Variants in L3MBTL4 observed in about 807,000 individuals in gnomAD.
L3MBTL4 encodes the protein lethal(3)malignant brain tumor-like protein 4.
In L3MBTL4, 70 loss-of-function variants were observed where a neutral mutation model predicts 84.5. The ratio of observed to expected loss-of-function variants is 0.83; its 90% confidence interval spans 0.68 to 1.01. The LOEUF (loss-of-function observed/expected upper bound fraction) is 1.01, where lower values mean the gene tolerates loss of function less well. L3MBTL4 is among the 50% of genes least tolerant of loss of function. The probability of loss-of-function intolerance (pLI) is 0.00; values close to 1 mark genes in which losing one functional copy is unlikely to be tolerated. For synonymous variants in L3MBTL4, 274 were observed against 259.8 expected (o/e 1.05, Z -0.52); for missense variants, 715 against 754.8 (o/e 0.95, Z 0.62).
intron 5 of L3MBTL4, 119 bp from the exon 6 acceptor site, chr18:6,244,707 A>G (rs1256945858): frequency 1.4e-6 from 1 of 703,120 alleles, no homozygotes; most frequent in African/African-American, 1.8e-5. Flanking sequence ...AACAGAGAGT[A>G]GAATGGTGTC....
chr18:6,006,219 C>T (rs370582659), intron 16 of L3MBTL4, among the ~76,000 whole-genome samples: 39 of 152,120 alleles, frequency 2.6e-4, no homozygotes, highest in African/African-American at 9.2e-4. Flanking sequence ...AGGCTGATGC[C>T]GAACACTGAG....
intron 16 of L3MBTL4, among the ~76,000 whole-genome samples, chr18:6,071,217 C>G (rs886458695): frequency 5.3e-5 from 8 of 151,420 alleles, no homozygotes; most frequent in African/African-American, 1.9e-4. Flanking sequence ...ATGGTGAAAC[C>G]CTGTCTCTAC....
chr18:5,997,673 A>G (rs1598395716), intron 16 of L3MBTL4, among the ~76,000 whole-genome samples: 1 of 151,982 alleles, frequency 6.6e-6, no homozygotes, highest in East Asian at 1.9e-4. Flanking sequence ...ATACTGATTG[A>G]TGTCTCATGT....
At chr18:6,373,976 T>A (rs168178) in intron 1 of L3MBTL4, among the ~76,000 whole-genome samples, 92,713 of 152,016 alleles carry the variant, frequency 0.61, 28,901 homozygotes, top group African/African-American at 0.76. Flanking sequence ...AACAAAATTT[T>A]TGGGTTTAAG....
At chr18:6,283,986 G>C (rs1300035594) in intron 4 of L3MBTL4, among the ~76,000 whole-genome samples, 1 of 152,176 alleles carries the variant, frequency 6.6e-6, no homozygotes, top group African/African-American at 2.4e-5. Flanking sequence ...CCAAAGTCTG[G>C]GCGATCATTC....
At chr18:6,209,539 G>A (rs1040351314) in intron 12 of L3MBTL4, among the ~76,000 whole-genome samples, 16 of 151,468 alleles carry the variant, frequency 1.1e-4, no homozygotes, top group East Asian at 5.8e-4. Context: ...CTCATATACC[G>A]CTAATGGGAA....
At position 6,272,362 on chromosome 18, in the gene L3MBTL4, A is replaced by G. The variant is rs144802137; in HGVS notation, c.128-8324T>C. Among the ~76,000 whole-genome samples the G allele has an allele frequency of 2.1e-3, 319 of 152,028 alleles. 5 individuals are homozygous for G. The highest frequency in any genetic ancestry group is 7.5e-3 in the African/African-American group (309 of 41,282). ...AGGTAGGATGGCGTCTGCTAAGAGT[A>G]AAGGTCACAGCGACGCCTTCAGGAG... On this transcript the variant is annotated intron_variant, in intron 4 of 18. Transcript: ENST00000317931.
chr18:6,223,208 T>G (rs1267732886), intron 10 of L3MBTL4, among the ~76,000 whole-genome samples: 1 of 152,090 alleles, frequency 6.6e-6, no homozygotes, highest in Non-Finnish European at 1.5e-5. Context: ...TCCCTAATAA[T>G]AAATGTTCAT....
At chr18:6,406,346 C>T (rs2055734096) in intron 1 of L3MBTL4, among the ~76,000 whole-genome samples, 1 of 152,198 alleles carries the variant, frequency 6.6e-6, no homozygotes, top group African/African-American at 2.4e-5. Flanking sequence ...AAAGAATCAA[C>T]GGGGACCATC....
intron 13 of L3MBTL4, among the ~76,000 whole-genome samples, chr18:6,170,962 T>C (rs16949553): frequency 0.051 from 7,731 of 152,228 alleles, 659 homozygotes; most frequent in African/African-American, 0.17. Context: ...AGGGCCTTCA[T>C]CTCTTTGATT....
intron 14 of L3MBTL4, among the ~76,000 whole-genome samples, chr18:6,096,147 G>A (rs2058637493): frequency 6.6e-6 from 1 of 151,806 alleles, no homozygotes; most frequent in African/African-American, 2.4e-5. Context: ...TCTTCCTAAG[G>A]CTTACTTATC....
chr18:6,143,675 G>C (rs758008996), intron 13 of L3MBTL4, among the ~76,000 whole-genome samples: 1 of 152,156 alleles, frequency 6.6e-6, no homozygotes, highest in Non-Finnish European at 1.5e-5. Flanking sequence ...TTTTCAGAAA[G>C]AGCATCTCTG....
chr18:6,327,859 C>T (rs2051812031), intron 1 of L3MBTL4, among the ~76,000 whole-genome samples: 1 of 152,216 alleles, frequency 6.6e-6, no homozygotes, highest in Non-Finnish European at 1.5e-5. Flanking sequence ...TATACGTTCT[C>T]ATATTTATTT....
intron 1 of L3MBTL4, among the ~76,000 whole-genome samples, chr18:6,366,260 C>T (rs1164022992): frequency 3.3e-5 from 5 of 152,316 alleles, no homozygotes; most frequent in East Asian, 3.9e-4. Flanking sequence ...TGTCTGTCCA[C>T]AGATGATCAG....
Position 6,015,378 on chromosome 18 carries a change from A to G in L3MBTL4, c.1445-45816T>C, listed in dbSNP as rs1053917079. Among the ~76,000 whole-genome samples the G allele has an allele frequency of 9.2e-5, 14 of 152,208 alleles. 1 individual carries two copies. The highest frequency in any genetic ancestry group is 8.5e-4 in the Admixed American group (13 of 15,290). ...TTGCAGAAGGTGGGGGTGGATGGCA[A>G]GCCATGGTCAACACTCAGTGCCACC... On this transcript the variant is annotated intron_variant, in intron 16 of 18. Transcript: ENST00000317931.
intron 16 of L3MBTL4, among the ~76,000 whole-genome samples, chr18:6,022,708 C>CA: frequency 6.6e-6 from 1 of 152,320 alleles, no homozygotes. Flanking sequence ...AATTAAGGCA[C>CA]AAAGTCTACG....
chr18:6,385,159 C>T (rs942175707), intron 1 of L3MBTL4, among the ~76,000 whole-genome samples: 2 of 152,026 alleles, frequency 1.3e-5, no homozygotes, highest in African/African-American at 2.4e-5. Flanking sequence ...CCCAGCACTC[C>T]GAGAGGCCAG....
At chr18:6,064,105 GAA>G (rs1428497894) in intron 16 of L3MBTL4, among the ~76,000 whole-genome samples, 2 of 152,010 alleles carry the variant, frequency 1.3e-5, no homozygotes, top group African/African-American at 2.4e-5. Context: ...ACCGTTTATT[GAA>G]TAGGGTGCCC....
intron 16 of L3MBTL4, among the ~76,000 whole-genome samples, chr18:6,076,488 T>C (rs1050722009): frequency 6.6e-6 from 1 of 152,182 alleles, no homozygotes; most frequent in Non-Finnish European, 1.5e-5. Context: ...TCTGGTCATA[T>C]GTTTCTTGAT....
Sources: allele counts gnomAD v4.1 joint callset (sites outside exome capture counted in the v4.1 genomes callset), GRCh38; gene constraint gnomAD v4.1.1; transcripts MANE v1.5; gene names NCBI Gene and HGNC (gene_info 2026-07-23, HGNC 2026-07-21).